Variants in RAB32 observed in about 807,000 individuals in gnomAD.
RAB32 encodes RAB32, member RAS oncogene family, also known as ras-related protein Rab-32.
Under a neutral mutation model 17.5 loss-of-function variants are expected in RAB32, and 17 were observed. The observed-to-expected ratio is 0.97, with a 90% CI of 0.67 to 1.46. RAB32 has a LOEUF of 1.46. Among genes scored for constraint, RAB32 ranks in the 40% most tolerant of loss-of-function variants. The pLI is 0.00. For missense variants in RAB32, 288 were observed against 284.3 expected (o/e 1.01, Z -0.09); for synonymous variants, 115 against 111.1 (o/e 1.04, Z -0.22).
At chr6:146,546,616 C>T (rs1464445378) in intron 1 of RAB32, among the ~76,000 whole-genome samples, 1 of 152,058 alleles carries the variant, frequency 6.6e-6, no homozygotes, top group Non-Finnish European at 1.5e-5. Context: ...AAACTGATGG[C>T]TGCTCCACAA....
intron 2 of RAB32, among the ~76,000 whole-genome samples, chr6:146,553,794 C>A: frequency 6.6e-6 from 1 of 151,988 alleles, no homozygotes; most frequent in East Asian, 1.9e-4. Context: ...TTTTGTAAAT[C>A]CAAAATTATT....
chr6:146,544,778 CG>C (rs374769573), intron 1 of RAB32, among the ~76,000 whole-genome samples: 2 of 54,318 alleles, frequency 3.7e-5, no homozygotes, highest in Non-Finnish European at 8.6e-5. Context: ...CGCCCCCCCC[CG>C]CCCCCCCCCC....
intron 1 of RAB32, among the ~76,000 whole-genome samples, chr6:146,547,335 G>T (rs943246423): frequency 2.6e-4 from 40 of 152,080 alleles, no homozygotes; most frequent in Middle Eastern, 6.8e-3. Flanking sequence ...TGTCCATTTA[G>T]GTCTAGTATA....
intron 1 of RAB32, 35 bp downstream of exon 1, chr6:146,544,156 C>A: frequency 6.4e-7 from 1 of 1,572,724 alleles, no homozygotes; most frequent in South Asian, 1.1e-5. Flanking sequence ...CTCCAGAGCC[C>A]CGCCGGGCCG....
In RAB32 at chr6:146,554,780, G is replaced by A. The variant is rs1489711857; in HGVS notation, c.*175G>A. The A allele has an allele frequency of 5.5e-6, 3 of 550,266 alleles. No homozygotes were observed. The highest frequency in any genetic ancestry group is 6.2e-6 in the Non-Finnish European group (2 of 322,774). 34.1% of individuals were successfully genotyped at this position (550,266 alleles called of 1,614,324 possible). On this transcript the variant is annotated 3_prime_UTR_variant, in exon 3 of 3. Coordinates refer to ENST00000367495, the MANE Select transcript of RAB32 (RefSeq NM_006834.5). ...CTTTGGGAGAAGTATCCCTGCTAGT[G>A]GCTCTGTAACTTAACAGATGACAAT...
Position 146,544,109 on chromosome 6 carries a change from T to C in RAB32, c.238T>C (p.Trp80Arg). The change falls in exon 1 of 3, where the codon TGG (tryptophan) becomes CGG (arginine). Residue 80 changes from tryptophan to arginine, a missense_variant. Transcript: ENST00000367495. ...CAGGACTCTGGTGCGCCTGCAGCTG[T>C]GGGACATCGCGGGTAAGCGCGGCCG... ...DSRTLVRLQL[W>R]DIAGQERFGN... 6.2e-7 allele frequency: 1 copy of C among 1,611,432 alleles called. No individual in the cohort carries two copies. The highest frequency in any genetic ancestry group is 8.5e-7 in the Non-Finnish European group (1 of 1,178,740).
intron 2 of RAB32, among the ~76,000 whole-genome samples, chr6:146,552,089 T>C (rs967208907): frequency 2.0e-5 from 3 of 152,194 alleles, no homozygotes; most frequent in Admixed American, 6.5e-5. Flanking sequence ...ACTAGGAACA[T>C]AGGCAAAAGA....
chr6:146,549,076 G>T (rs1433972851), intron 1 of RAB32, among the ~76,000 whole-genome samples: 2 of 152,074 alleles, frequency 1.3e-5, no homozygotes, highest in Non-Finnish European at 2.9e-5. Context: ...TCTCCTTCCT[G>T]CAGGCTTCAT....
chr6:146,554,786 G>A lies in RAB32; in HGVS notation c.*181G>A. ...GAGAAGTATCCCTGCTAGTGGCTCTGTAACTTAACAGATGACAATTAGGCT... is the reference window on the plus strand; with the variant it reads ...GAGAAGTATCCCTGCTAGTGGCTCTATAACTTAACAGATGACAATTAGGCT... On this transcript the variant is annotated 3_prime_UTR_variant, in exon 3 of 3. Coordinates refer to ENST00000367495, the MANE Select transcript of RAB32 (RefSeq NM_006834.5). 1.9e-6 allele frequency: 1 copy of A among 522,338 alleles called. No individual in the cohort carries two copies. The highest frequency in any genetic ancestry group is 3.3e-6 in the Non-Finnish European group (1 of 302,132). 32.4% of individuals were successfully genotyped at this position (522,338 alleles called of 1,614,324 possible). A position where few individuals can be genotyped will look rare whatever the true frequency, so the allele number is the denominator to read the frequency against.
At position 146,554,694 on chromosome 6, in the gene RAB32, C is replaced by G; in HGVS notation, c.*89C>G. On this transcript the variant is annotated 3_prime_UTR_variant, in exon 3 of 3. Coordinates refer to ENST00000367495, the MANE Select transcript of RAB32 (RefSeq NM_006834.5). The stretch of plus-strand genomic sequence containing the variant: ...AGATGTCATGTTAGCTGGGAGTCTT[C>G]CCACATGTGGCACTTCAAAAGGCAG... 1 of 1,431,128 alleles carries G rather than the reference C, an allele frequency of 7.0e-7. No individual in the cohort carries two copies. Among genetic ancestry groups the G allele is most frequent in the Non-Finnish European group, 9.4e-7 (1 of 1,064,670 alleles). 88.7% of individuals were successfully genotyped at this position (1,431,128 alleles called of 1,614,324 possible).
Position 146,544,013 on chromosome 6 carries a change from C to T in RAB32, c.142C>T (p.Gln48Ter), listed in dbSNP as rs751819093. The change falls in exon 1 of 3, where the codon CAG becomes TAG. Residue 48 changes from glutamine to a stop codon, truncating the protein, a stop_gained. Transcript: ENST00000367495. LOFTEE classifies it high-confidence loss of function. ...CAGCATCATCAAGCGCTACGTCCAC[C>T]AGCTCTTCTCCCAGCACTACCGGGC... ...KTSIIKRYVH[Q>*]LFSQHYRATI... 3 of 1,613,934 alleles carry T rather than the reference C, an allele frequency of 1.9e-6. No individual in the cohort carries two copies. The highest frequency in any genetic ancestry group is 1.1e-5 in the South Asian group (1 of 91,086).
chr6:146,545,955 A>G (rs763357834), intron 1 of RAB32, among the ~76,000 whole-genome samples: 5 of 152,192 alleles, frequency 3.3e-5, no homozygotes, highest in Non-Finnish European at 7.3e-5. Flanking sequence ...TTAAACTACG[A>G]TTGGGTCCCA....
At chr6:146,553,342 T>G (rs1426494797) in intron 2 of RAB32, among the ~76,000 whole-genome samples, 1 of 152,214 alleles carries the variant, frequency 6.6e-6, no homozygotes, top group Non-Finnish European at 1.5e-5. Flanking sequence ...AATAATAACT[T>G]TTCTGTGGAG....
At chr6:146,544,149 C>T in intron 1 of RAB32, 28 bp downstream of exon 1, 1 of 1,585,302 alleles carries the variant, frequency 6.3e-7, no homozygotes, top group Non-Finnish European at 8.6e-7. Flanking sequence ...TTTCCCACTC[C>T]AGAGCCCCGC....
chr6:146,544,068 TC>T lies in RAB32; in HGVS notation c.199del (p.Leu67SerfsTer25). Reference sequence around the variant, plus strand: ...ATCGGGGTGGACTTCGCCCTCAAGGTCCTCAACTGGGACAGCAGGACTCTGG... The same window carrying T: ...ATCGGGGTGGACTTCGCCCTCAAGGTCTCAACTGGGACAGCAGGACTCTGG... ...ATIGVDFALK[V>X]LNWDSRTLVR... On this transcript the variant is annotated frameshift_variant, in exon 1 of 3. Coordinates refer to ENST00000367495, the MANE Select transcript of RAB32 (RefSeq NM_006834.5). LOFTEE classifies it high-confidence loss of function. 1 of 1,613,696 alleles carries T rather than the reference TC, an allele frequency of 6.2e-7. No individual in the cohort carries two copies. Among genetic ancestry groups the T allele is most frequent in the Non-Finnish European group, 8.5e-7 (1 of 1,179,900 alleles).
At chr6:146,551,417 AT>A (rs1419073579) in intron 2 of RAB32, among the ~76,000 whole-genome samples, 1 of 151,952 alleles carries the variant, frequency 6.6e-6, no homozygotes, top group African/African-American at 2.4e-5. Context: ...TAGAGACAGA[AT>A]TTTGCCGTGT....
rs1450046291 is a variant in RAB32, at chr6:146,554,634, C to T, written c.*29C>T. ...ATGGCTTCTGCTTCTCTTGTGTGTG[C>T]CTCAGCTCTGAAGAAGTTCCTGAGA... On this transcript the variant is annotated 3_prime_UTR_variant, in exon 3 of 3. Transcript: ENST00000367495. 1.3e-6 allele frequency: 2 copies of T among 1,592,364 alleles called. No homozygotes were observed. The highest frequency in any genetic ancestry group is 2.7e-5 in the African/African-American group (2 of 73,696).
At chr6:146,546,075 C>CT (rs921474673) in intron 1 of RAB32, among the ~76,000 whole-genome samples, 3 of 152,118 alleles carry the variant, frequency 2.0e-5, no homozygotes, top group Non-Finnish European at 2.9e-5. Flanking sequence ...ATCACCTCTT[C>CT]TTTTTTTATT....
intron 1 of RAB32, among the ~76,000 whole-genome samples, chr6:146,544,358 C>T (rs960575453): frequency 1.3e-5 from 2 of 152,096 alleles, no homozygotes; most frequent in African/African-American, 4.8e-5. Context: ...GCTCGCTCTC[C>T]TGAAGGGAGG....
Sources: gnomAD v4.1 joint callset for allele counts (sites outside exome capture counted in the v4.1 genomes callset) on GRCh38, gnomAD v4.1.1 for gene constraint, MANE v1.5 for transcripts, NCBI Gene and HGNC (gene_info 2026-07-23, HGNC 2026-07-21) for gene names.